The following PNPLA1 variants were observed in gnomAD, a reference collection of about 807,000 sequenced individuals.
PNPLA1 encodes patatin like domain 1, omega-hydroxyceramide transacylase, also known as omega-hydroxyceramide transacylase.
PNPLA1 carries 36 observed loss-of-function variants against 51.7 expected under a neutral mutation model. The ratio of observed to expected loss-of-function variants is 0.70; its 90% CI spans 0.53 to 0.92. The LOEUF (loss-of-function observed/expected upper bound fraction) is 0.92. Among genes scored for constraint, PNPLA1 ranks in the 40% least tolerant of loss-of-function variants. The pLI, the probability that PNPLA1 is intolerant of heterozygous loss-of-function variation, is 0.00. For missense variants in PNPLA1, 658 were observed against 682.5 expected, an observed-to-expected ratio of 0.96 and a Z score of 0.40; for synonymous variants, 293 against 280.1, an observed-to-expected ratio of 1.05 and a Z score of -0.46.
intron 1 of PNPLA1, among the ~76,000 whole-genome samples, chr6:36,278,445 T>G (rs1770177254): frequency 6.6e-6 from 1 of 152,206 alleles, no homozygotes; most frequent in Non-Finnish European, 1.5e-5. Context: ...TAAGTCCAGC[T>G]CCCTCATTTT....
chr6:36,282,135 AGGAAAGAG>A (rs1770324128), intron 1 of PNPLA1, among the ~76,000 whole-genome samples: 1 of 146,788 alleles, frequency 6.8e-6, no homozygotes, highest in African/African-American at 2.6e-5. Flanking sequence ...GAAGGAAGGA[AGGAAAGAG>A]AGACAGAGAG....
At chr6:36,291,579 G>GGGGGGGGGGGGGGGGGGGGGA in intron 2 of PNPLA1, 27 bp downstream of exon 2, 3 of 103,658 alleles carry the variant, frequency 2.9e-5, no homozygotes, top group South Asian at 2.1e-4. Flanking sequence ...GGGAGGGAGG[G>GGGGGGGGGGGGGGGGGGGGGA]ACACGGAGGG....
intron 1 of PNPLA1, among the ~76,000 whole-genome samples, chr6:36,260,754 C>A (rs531748935): frequency 6.6e-6 from 1 of 152,096 alleles, no homozygotes; most frequent in Admixed American, 6.5e-5. Context: ...AGGTCTGTTT[C>A]GATTATTTTT....
At chr6:36,302,899 C>CA (rs1170505395) in intron 6 of PNPLA1, among the ~76,000 whole-genome samples, 1 of 152,128 alleles carries the variant, frequency 6.6e-6, no homozygotes, top group Non-Finnish European at 1.5e-5. Context: ...GCGTGCTACT[C>CA]AAAGAGTGGT....
upstream of PNPLA1, among the ~76,000 whole-genome samples, chr6:36,266,396 C>G (rs2127321377): frequency 6.6e-6 from 1 of 152,322 alleles, no homozygotes; most frequent in Admixed American, 6.5e-5. Context: ...GGATGTAAAA[C>G]AGTTGTCATA....
intron 8 of PNPLA1, chr6:36,308,513 A>T (rs964626775): frequency 6.6e-6 from 1 of 152,198 alleles, no homozygotes; most frequent in African/African-American, 2.4e-5. Flanking sequence ...TCTTTGACTT[A>T]GTCAGTCAAC....
intron 1 of PNPLA1, among the ~76,000 whole-genome samples, chr6:36,279,048 G>A (rs979561311): frequency 2.0e-5 from 3 of 152,222 alleles, no homozygotes; most frequent in Non-Finnish European, 4.4e-5. Flanking sequence ...AGAGAGCCAC[G>A]TGCACTGAGG....
chr6:36,281,626 C>G (rs967098449), intron 1 of PNPLA1, among the ~76,000 whole-genome samples: 5 of 152,224 alleles, frequency 3.3e-5, no homozygotes, highest in African/African-American at 4.8e-5. Flanking sequence ...CTACATTCTA[C>G]ATCCTCTCTA....
intron 1 of PNPLA1, among the ~76,000 whole-genome samples, chr6:36,273,640 C>G (rs1769994953): frequency 7.0e-6 from 1 of 142,000 alleles, no homozygotes; most frequent in Admixed American, 7.5e-5. Context: ...TGCCTGTGAT[C>G]CCAGCACTTT....
At chr6:36,293,969 C>T (rs528657669) in intron 3 of PNPLA1, among the ~76,000 whole-genome samples, 3 of 152,068 alleles carry the variant, frequency 2.0e-5, no homozygotes, top group Non-Finnish European at 4.4e-5. Context: ...GACAGAGCAC[C>T]GGGCTGGGAG....
rs1052279823 is a variant in PNPLA1, at chr6:36,307,722, T to C, written c.1595+10T>C. On this transcript the variant is annotated intron_variant, in intron 8 of 8. Coordinates refer to ENST00000636260, the MANE Select transcript of PNPLA1 (RefSeq NM_001374623.1). ...CAAGCAGCAAAGTGCAGTGAGCATGTCTAATGTTCCTTAAATCCCACGGAG... is the reference window on the plus strand; with the variant it reads ...CAAGCAGCAAAGTGCAGTGAGCATGCCTAATGTTCCTTAAATCCCACGGAG... 2 of 1,613,540 alleles carry C rather than the reference T, an allele frequency of 1.2e-6. No homozygotes were observed. The highest frequency in any genetic ancestry group is 2.7e-5 in the African/African-American group (2 of 74,908).
intron 1 of PNPLA1, among the ~76,000 whole-genome samples, chr6:36,247,511 C>G (rs1769318546): frequency 6.6e-6 from 1 of 152,194 alleles, no homozygotes; most frequent in Non-Finnish European, 1.5e-5. Context: ...CCCTAGCAGC[C>G]AAAGAATATC....
rs1248355949 is a variant in PNPLA1, at chr6:36,293,049, C to A, written c.439-12C>A. The A allele has an allele frequency of 6.2e-7, 1 of 1,611,964 alleles. No homozygotes were observed. The highest frequency in any genetic ancestry group is 8.5e-7 in the Non-Finnish European group (1 of 1,178,840). The stretch of plus-strand genomic sequence containing the variant: ...GGGCCTCCAGCATCTCAGCCCTGTT[C>A]TCTCCGCACAGGCCCTATACTGCAG... On this transcript the variant is annotated splice_polypyrimidine_tract_variant and intron_variant, in intron 2 of 8. Coordinates refer to ENST00000636260, the MANE Select transcript of PNPLA1 (RefSeq NM_001374623.1).
rs750484151 is a variant in PNPLA1 at position 36,286,914 on chromosome 6, G to A, written c.206-4406G>A. On this transcript the variant is annotated intron_variant, in intron 1 of 8. Coordinates refer to ENST00000636260, the MANE Select transcript of PNPLA1 (RefSeq NM_001374623.1). ...TTGCCAGAGCTGATCTCAAACTCCCGGGCTCAAGCGATCCTCCCATCTCAG... is the reference window on the plus strand; with the variant it reads ...TTGCCAGAGCTGATCTCAAACTCCCAGGCTCAAGCGATCCTCCCATCTCAG... 6.6e-5 allele frequency among the ~76,000 whole-genome samples: 10 copies of A among 151,290 alleles called. No individual in the cohort carries two copies. The East Asian group carries it at 1.2e-3, about 18-fold the overall frequency.
rs576403257 is a variant in PNPLA1, at chr6:36,291,441, C to T, written c.327C>T (p.Pro109=). ...MMRQFLYRVL[P]EDSYKVTTGK... is the part of the protein sequence containing the mutation. ...GGCAGTTTCTGTACCGGGTCCTGCC[C>T]GAGGACTCCTACAAGGTCACCACGG... The change falls in exon 2 of 9, where the codon CCC becomes CCT. Residue 109 remains proline (P), a synonymous_variant. Transcript: ENST00000636260. 1.1e-5 allele frequency: 17 copies of T among 1,614,068 alleles called. No individual in the cohort carries two copies. The highest frequency in any genetic ancestry group is 1.6e-4 in the Middle Eastern group (1 of 6,062).
intron 1 of PNPLA1, among the ~76,000 whole-genome samples, chr6:36,253,878 C>T (rs1302631351): frequency 1.3e-5 from 2 of 152,154 alleles, no homozygotes; most frequent in Non-Finnish European, 2.9e-5. Flanking sequence ...CTCACCTGAA[C>T]CAGGAAGAAG....
rs77716246 is a variant in PNPLA1 at position 36,289,970 on chromosome 6, G to C, written c.206-1350G>C. On this transcript the variant is annotated intron_variant, in intron 1 of 8. Transcript: ENST00000636260. ...GCTCTATTTATAAATAGGCGAGTAA[G>C]GCACACTGATTACTTCCCGGATATA... Among the ~76,000 whole-genome samples the C allele has an allele frequency of 1.1e-3, 174 of 152,256 alleles. 3 individuals carry two copies. In the East Asian group the frequency reaches 0.026, roughly 22 times the overall value.
chr6:36,263,429 G>A (rs895847295), intron 1 of PNPLA1, among the ~76,000 whole-genome samples: 4 of 152,160 alleles, frequency 2.6e-5, no homozygotes, highest in Non-Finnish European at 5.9e-5. Context: ...ATGAAATGAT[G>A]CCTAGCTTCA....
intron 8 of PNPLA1, chr6:36,308,274 G>A (rs1195988104): frequency 6.6e-6 from 1 of 152,246 alleles, no homozygotes; most frequent in African/African-American, 2.4e-5. Context: ...CTACTCGGGA[G>A]GCTGAGGCAA....
Sources: allele counts gnomAD v4.1 joint callset (sites outside exome capture counted in the v4.1 genomes callset), GRCh38; gene constraint gnomAD v4.1.1; transcripts MANE v1.5; gene names NCBI Gene and HGNC (gene_info 2026-07-23, HGNC 2026-07-21).